The following PRKCI variants were observed in gnomAD, a reference collection of about 807,000 sequenced individuals.
The protein encoded by PRKCI is protein kinase C iota type.
Under a neutral mutation model 84.0 loss-of-function variants are expected in PRKCI, and 43 were observed. The ratio of observed to expected loss-of-function variants is 0.51; its 90% CI spans 0.40 to 0.66. The LOEUF is 0.66. Ranked by LOEUF, PRKCI falls within the 30% of genes least tolerant of loss-of-function variation. PRKCI has a pLI of 0.00. For synonymous variants in PRKCI, 216 were observed against 234.4 expected (o/e 0.92, Z 0.72); for missense variants, 459 against 745.6 (o/e 0.62, Z 4.48).
intron 11 of PRKCI, among the ~76,000 whole-genome samples, chr3:170,282,723 A>T (rs145055600): frequency 6.6e-6 from 1 of 150,942 alleles, no homozygotes; most frequent in Non-Finnish European, 1.5e-5. Context: ...GATCCCTCTT[A>T]AACTAGTATA....
At chr3:170,300,129 AC>A (rs1205480269) in intron 17 of PRKCI, among the ~76,000 whole-genome samples, 1 of 152,106 alleles carries the variant, frequency 6.6e-6, no homozygotes, top group Non-Finnish European at 1.5e-5. Flanking sequence ...CTCATTTCTT[AC>A]CACATTTCTC....
At chr3:170,286,597 T>C (rs1185284922) in intron 12 of PRKCI, among the ~76,000 whole-genome samples, 1 of 150,786 alleles carries the variant, frequency 6.6e-6, no homozygotes, top group Non-Finnish European at 1.5e-5. Context: ...GTATATAAAT[T>C]GTTACAAACC....
chr3:170,260,383 T>C (rs1157446911), intron 3 of PRKCI, among the ~76,000 whole-genome samples: 1 of 152,232 alleles, frequency 6.6e-6, no homozygotes, highest in Non-Finnish European at 1.5e-5. Context: ...AATTTTGTTA[T>C]GTATACAAAT....
intron 6 of PRKCI, 117 bp from the exon 7 acceptor site, chr3:170,273,169 T>G (rs1477210659): frequency 2.5e-6 from 2 of 806,044 alleles, no homozygotes; most frequent in East Asian, 5.4e-5. Flanking sequence ...AAATTCTCAC[T>G]TAAGTTATAT....
chr3:170,245,952 T>G (rs1195823793), intron 2 of PRKCI, among the ~76,000 whole-genome samples: 1 of 119,308 alleles, frequency 8.4e-6, no homozygotes. Context: ...TGTCTTTGTT[T>G]TTTTTTTTTT....
At chr3:170,256,303 G>A (rs1045496848) in intron 2 of PRKCI, among the ~76,000 whole-genome samples, 1 of 152,122 alleles carries the variant, frequency 6.6e-6, no homozygotes, top group African/African-American at 2.4e-5. Flanking sequence ...TGGATCCTGG[G>A]CTTTTCTTTG....
chr3:170,260,136 A>C, intron 3 of PRKCI, 78 bp downstream of exon 3: 2 of 946,344 alleles, frequency 2.1e-6, no homozygotes, highest in South Asian at 3.3e-5. Context: ...CCATTTTGAA[A>C]CATAATCTTA....
At chr3:170,245,949 G>GTTTTTTTTTTTTTTTTGT (rs1733266743) in intron 2 of PRKCI, among the ~76,000 whole-genome samples, 3 of 82,462 alleles carry the variant, frequency 3.6e-5, no homozygotes, top group African/African-American at 1.5e-4. Flanking sequence ...TTATGTCTTT[G>GTTTTTTTTTTTTTTTTGT]TTTTTTTTTT....
chr3:170,233,929 C>T (rs1245410023), intron 1 of PRKCI, among the ~76,000 whole-genome samples: 7 of 151,684 alleles, frequency 4.6e-5, no homozygotes, highest in African/African-American at 7.3e-5. Context: ...CTGTGTTTGC[C>T]GGGCTGATTT....
rs777616662 is a variant in PRKCI, at chr3:170,280,347, AC to A, written c.827del (p.Thr276LysfsTer7). ...AGTACTGTTGGTTCGATTAAAAAAAACAGATCGTATTTATGCAATGAAAGTT... is the reference window on the plus strand; with the variant it reads ...AGTACTGTTGGTTCGATTAAAAAAAAAGATCGTATTTATGCAATGAAAGTT... ...AKVLLVRLKK[T>X]DRIYAMKVVK... On this transcript the variant is annotated frameshift_variant, in exon 9 of 18. Coordinates refer to ENST00000295797, the MANE Select transcript of PRKCI (RefSeq NM_002740.6). LOFTEE classifies it high-confidence loss of function. 1 of 1,613,960 alleles carries A rather than the reference AC, an allele frequency of 6.2e-7. No individual in the cohort carries two copies. Among genetic ancestry groups the A allele is most frequent in the African/African-American group, 1.3e-5 (1 of 74,926 alleles).
intron 12 of PRKCI, among the ~76,000 whole-genome samples, chr3:170,287,169 T>C (rs950000121): frequency 1.3e-5 from 2 of 151,996 alleles, no homozygotes; most frequent in East Asian, 3.9e-4. Context: ...ACTCCATCTC[T>C]ACAAAAAATA....
chr3:170,222,426 C>G lies in PRKCI; in HGVS notation c.-244C>G. Reference sequence around the variant, plus strand: ...GAGCGAGCGAAGTGGGAGGGACCGACGCAGGAGGTGTCTTGGGCCCGGGCG... The same window carrying G: ...GAGCGAGCGAAGTGGGAGGGACCGAGGCAGGAGGTGTCTTGGGCCCGGGCG... On this transcript the variant is annotated 5_prime_UTR_variant, in exon 1 of 18. Coordinates refer to ENST00000295797, the MANE Select transcript of PRKCI (RefSeq NM_002740.6). The G allele has an allele frequency of 2.3e-6, 1 of 434,930 alleles. No individual in the cohort carries two copies. The highest frequency in any genetic ancestry group is 4.0e-6 in the Non-Finnish European group (1 of 249,420). The allele number at this position is 434,930 out of a possible 1,614,324, so 26.9% of individuals were successfully genotyped here. A position where few individuals can be genotyped will look rare whatever the true frequency, so the allele number is the denominator to read the frequency against.
rs540475923 is a variant in PRKCI at position 170,271,571 on chromosome 3, C to A, written c.591+1010C>A. On this transcript the variant is annotated intron_variant, in intron 6 of 17. Transcript: ENST00000295797. ...TAATTTACTGGTTCTTTCTTCATTT[C>A]TCTCTCTTCTTTTTTTCCTTACAAT... is the stretch of plus-strand genomic sequence containing the variant. Among the ~76,000 whole-genome samples the A allele has an allele frequency of 9.2e-5, 14 of 152,184 alleles. No individual in the cohort carries two copies. In the East Asian group the frequency reaches 2.5e-3, roughly 27 times the overall value.
intron 2 of PRKCI, among the ~76,000 whole-genome samples, chr3:170,256,019 T>C (rs1364626943): frequency 6.6e-6 from 1 of 152,228 alleles, no homozygotes; most frequent in African/African-American, 2.4e-5. Context: ...CTTGCATCCC[T>C]GGAACAAATT....
intron 12 of PRKCI, among the ~76,000 whole-genome samples, chr3:170,285,134 C>T (rs987335495): frequency 6.8e-6 from 1 of 146,218 alleles, no homozygotes; most frequent in Non-Finnish European, 1.5e-5. Context: ...GGCTGGAGTG[C>T]AGTGGCGCAA....
At chr3:170,249,324 A>G (rs962742365) in intron 2 of PRKCI, among the ~76,000 whole-genome samples, 2 of 152,086 alleles carry the variant, frequency 1.3e-5, no homozygotes, top group African/African-American at 4.8e-5. Flanking sequence ...TAAGGTTTTA[A>G]TGTTTAGATT....
At chr3:170,283,448 A>G (rs772516051) in intron 11 of PRKCI, among the ~76,000 whole-genome samples, 5 of 152,222 alleles carry the variant, frequency 3.3e-5, no homozygotes, top group Admixed American at 1.3e-4. Context: ...TTTCATAAGA[A>G]GATATAAATT....
chr3:170,280,155 C>G (rs763165265), intron 8 of PRKCI, 72 bp from the exon 9 acceptor site: 2 of 1,266,100 alleles, frequency 1.6e-6, no homozygotes, highest in South Asian at 1.6e-5. Flanking sequence ...ATAGGTACAA[C>G]TAGGTGTTAG....
chr3:170,255,286 C>T (rs1733557550), intron 2 of PRKCI, among the ~76,000 whole-genome samples: 1 of 152,042 alleles, frequency 6.6e-6, no homozygotes, highest in Non-Finnish European at 1.5e-5. Context: ...TCTCGAACTC[C>T]TGACCTCAGG....
Sources: allele counts gnomAD v4.1 joint callset (sites outside exome capture counted in the v4.1 genomes callset), GRCh38; gene constraint gnomAD v4.1.1; transcripts MANE v1.5; gene names NCBI Gene and HGNC (gene_info 2026-07-23, HGNC 2026-07-21).